The following CADM1 variants were observed in gnomAD, a reference collection of about 807,000 sequenced individuals.
CADM1 encodes cell adhesion molecule 1.
A neutral mutation model predicts 53.1 loss-of-function variants in CADM1; 15 were observed. The observed-to-expected ratio is 0.28, with a 90% CI of 0.19 to 0.44. The LOEUF (loss-of-function observed/expected upper bound fraction) is 0.44. Ranked by LOEUF, CADM1 falls within the 20% of genes least tolerant of loss-of-function variation. The pLI, the probability that CADM1 is intolerant of heterozygous loss-of-function variation, is 1.00. For missense variants in CADM1, 434 were observed against 611.3 expected (o/e 0.71, Z 3.06); for synonymous variants, 281 against 243.0 (o/e 1.16, Z -1.45).
intron 1 of CADM1, among the ~76,000 whole-genome samples, chr11:115,336,424 T>G (rs1371937775): frequency 1.3e-5 from 2 of 152,180 alleles, no homozygotes; most frequent in African/African-American, 4.8e-5. Context: ...TAAAAGACTT[T>G]CAATTTATGT....
chr11:115,237,181 G>A lies in CADM1; in HGVS notation c.424+1319C>T, dbSNP rs149652128. ...CAGAAAACTTCAAATTTATGCTTGCGAATTTGGTACATCTGCAAAATACCA... is the reference window on the plus strand; with the variant it reads ...CAGAAAACTTCAAATTTATGCTTGCAAATTTGGTACATCTGCAAAATACCA... On this transcript the variant is annotated intron_variant, in intron 3 of 11. Transcript: ENST00000331581. 8.6e-3 allele frequency among the ~76,000 whole-genome samples: 1,312 copies of A among 152,186 alleles called. 17 individuals are homozygous for A. Among genetic ancestry groups the A allele is most frequent in the African/African-American group, 0.027 (1,108 of 41,524 alleles).
Position 115,171,989 on chromosome 11 carries a change from C to T in CADM1, c.*4485G>A, listed in dbSNP as rs1938805668. On this transcript the variant is annotated 3_prime_UTR_variant, in exon 12 of 12. Transcript: ENST00000331581. ...CCATTTGCCTCTATCCTGTGACTGA[C>T]ATGTAATGAACAAGTAGTGTGTGTC... 1 of 152,256 alleles carries T rather than the reference C, an allele frequency of 6.6e-6. No individual in the cohort carries two copies. The highest frequency in any genetic ancestry group is 2.1e-4 in the South Asian group (1 of 4,824). 9.4% of individuals were successfully genotyped at this position (152,256 alleles called of 1,614,324 possible).
intron 5 of CADM1, among the ~76,000 whole-genome samples, chr11:115,218,623 G>A (rs1941283849): frequency 6.6e-6 from 1 of 152,100 alleles, no homozygotes; most frequent in African/African-American, 2.4e-5. Context: ...TTTTAGGGAT[G>A]GGAACTCTGG....
chr11:115,174,829 T>C lies in CADM1; in HGVS notation c.*1645A>G, dbSNP rs1329145668. On this transcript the variant is annotated 3_prime_UTR_variant, in exon 12 of 12. Transcript: ENST00000331581. ...CTGGAGTCTGGAGTCTTACCAAACA[T>C]ATGGTAAGAGTTTAGTTTCTGTCCT... 21 of 984,646 alleles carry C rather than the reference T, an allele frequency of 2.1e-5. No individual in the cohort carries two copies. Among genetic ancestry groups the C allele is most frequent in the Non-Finnish European group, 2.4e-5 (20 of 829,150 alleles). The allele number at this position is 984,646 out of a possible 1,614,324, so 61.0% of individuals were successfully genotyped here.
At chr11:115,437,748 C>T (rs1389752871) in intron 1 of CADM1, among the ~76,000 whole-genome samples, 1 of 152,108 alleles carries the variant, frequency 6.6e-6, no homozygotes, top group African/African-American at 2.4e-5. Flanking sequence ...TCTTCGTGAC[C>T]ATTTTCCTAC....
At chr11:115,426,604 T>G (rs1947899552) in intron 1 of CADM1, among the ~76,000 whole-genome samples, 1 of 152,168 alleles carries the variant, frequency 6.6e-6, no homozygotes, top group East Asian at 1.9e-4. Context: ...AGAATCACCC[T>G]TTACTCTCTT....
chr11:115,502,117 A>T (rs1949739359), intron 1 of CADM1, among the ~76,000 whole-genome samples: 1 of 152,072 alleles, frequency 6.6e-6, no homozygotes, highest in Admixed American at 6.5e-5. Flanking sequence ...ACCGCTCCTA[A>T]GTCAGCATAT....
chr11:115,461,882 A>G (rs967787354), intron 1 of CADM1, among the ~76,000 whole-genome samples: 1 of 152,178 alleles, frequency 6.6e-6, no homozygotes, highest in African/African-American at 2.4e-5. Context: ...CAGGAATTTA[A>G]AAAAAGAAAA....
At chr11:115,250,198 C>T (rs1441698848) in intron 1 of CADM1, among the ~76,000 whole-genome samples, 3 of 152,188 alleles carry the variant, frequency 2.0e-5, no homozygotes, top group Non-Finnish European at 4.4e-5. Flanking sequence ...CCACTGTGCC[C>T]ACCCTTACCA....
intron 1 of CADM1, among the ~76,000 whole-genome samples, chr11:115,249,170 T>C (rs1387851925): frequency 2.6e-5 from 4 of 152,244 alleles, no homozygotes; most frequent in Non-Finnish European, 4.4e-5. Flanking sequence ...TCAAAACATA[T>C]GAAGTTTCTT....
At chr11:115,443,661 T>C (rs182762624) in intron 1 of CADM1, among the ~76,000 whole-genome samples, 50 of 152,340 alleles carry the variant, frequency 3.3e-4, no homozygotes, top group Non-Finnish European at 6.5e-4. Context: ...TAATTACAAA[T>C]AGTCCCAAAA....
chr11:115,418,150 A>G (rs143589617), intron 1 of CADM1, among the ~76,000 whole-genome samples: 1 of 152,334 alleles, frequency 6.6e-6, no homozygotes, highest in Admixed American at 6.5e-5. Flanking sequence ...AGTAAGAGAG[A>G]GAACATTTGC....
chr11:115,197,697 C>CCA (rs896766207), intron 9 of CADM1, among the ~76,000 whole-genome samples: 19 of 152,188 alleles, frequency 1.2e-4, no homozygotes, highest in African/African-American at 3.6e-4. Flanking sequence ...TACCTGCAAG[C>CCA]CACACACACA....
rs531337114 is a variant in CADM1, at chr11:115,273,115, T to A, written c.125-32695A>T. On this transcript the variant is annotated intron_variant, in intron 1 of 11. Coordinates refer to ENST00000331581, the MANE Select transcript of CADM1 (RefSeq NM_001301043.2). ...TCGTCACACATGAACACAGTAGATA[T>A]CCTAACAAGATACTAAGAGCTATTT... 6.6e-5 allele frequency among the ~76,000 whole-genome samples: 10 copies of A among 152,244 alleles called. No homozygotes were observed. The South Asian group carries it at 2.1e-3, about 32-fold the overall frequency.
chr11:115,307,594 C>T (rs1016588341), intron 1 of CADM1, among the ~76,000 whole-genome samples: 1 of 151,040 alleles, frequency 6.6e-6, no homozygotes, highest in African/African-American at 2.4e-5. Flanking sequence ...CTTTATGTTG[C>T]TTCAGGTCTT....
chr11:115,270,319 T>C (rs1325806896), intron 1 of CADM1, among the ~76,000 whole-genome samples: 2 of 152,234 alleles, frequency 1.3e-5, no homozygotes, highest in African/African-American at 4.8e-5. Flanking sequence ...TTCTGAGAGC[T>C]ACTTTACCAT....
At chr11:115,249,084 C>CA (rs34520067) in intron 1 of CADM1, among the ~76,000 whole-genome samples, 2 of 151,744 alleles carry the variant, frequency 1.3e-5, no homozygotes, top group African/African-American at 2.4e-5. Flanking sequence ...TCGTTTATGG[C>CA]AAAAAAAGAA....
intron 1 of CADM1, among the ~76,000 whole-genome samples, chr11:115,263,329 A>C (rs2135023336): frequency 6.6e-6 from 1 of 152,378 alleles, no homozygotes; most frequent in South Asian, 2.1e-4. Context: ...GCAGTATTAA[A>C]GAATTTGTAG....
chr11:115,198,334 T>G, intron 9 of CADM1, 72 bp downstream of exon 9: 1 of 1,143,450 alleles, frequency 8.7e-7, no homozygotes, highest in South Asian at 1.3e-5. Context: ...AGACTACATT[T>G]CTCTTTTTCC....
Sources: allele counts gnomAD v4.1 joint callset (sites outside exome capture counted in the v4.1 genomes callset), GRCh38; gene constraint gnomAD v4.1.1; transcripts MANE v1.5; gene names NCBI Gene and HGNC (gene_info 2026-07-23, HGNC 2026-07-21).